Variants in DPP6 observed in about 807,000 individuals in gnomAD.
DPP6 encodes the protein dipeptidyl peptidase like 6, also known as A-type potassium channel modulatory protein DPP6.
A neutral mutation model predicts 122.6 loss-of-function variants in DPP6; 69 were observed. That is an observed-to-expected ratio of 0.56 (90% CI 0.46 to 0.69). DPP6 has a LOEUF of 0.69. DPP6 is among the 30% of genes least tolerant of loss of function. DPP6 has a pLI of 0.00. For synonymous variants in DPP6, 418 were observed against 433.1 expected (o/e 0.97, Z 0.43); for missense variants, 928 against 1,116.9 (o/e 0.83, Z 2.41).
At chr7:153,831,175 T>C in the DPP6 span, among the ~76,000 whole-genome samples, 1 of 152,242 alleles carries the variant, frequency 6.6e-6, no homozygotes, top group Non-Finnish European at 1.5e-5. Flanking sequence ...GTAATAGATG[T>C]CTACAGAGGA....
intron 1 of DPP6, among the ~76,000 whole-genome samples, chr7:153,927,293 A>G (rs1231336233): frequency 6.6e-6 from 1 of 152,238 alleles, no homozygotes; most frequent in African/African-American, 2.4e-5. Flanking sequence ...AGCCTGGGCG[A>G]CAGAGCAAGA....
the DPP6 span, among the ~76,000 whole-genome samples, chr7:153,804,885 GA>G: frequency 0.095 from 13,952 of 147,196 alleles, 835 homozygotes; most frequent in African/African-American, 0.18. Context: ...CTTCATCTCA[GA>G]AAAAAAAAAA....
chr7:154,479,586 A>C (rs1483264088), intron 3 of DPP6, among the ~76,000 whole-genome samples: 1 of 146,704 alleles, frequency 6.8e-6, no homozygotes, highest in East Asian at 2.0e-4. Flanking sequence ...AAAAGAAAAG[A>C]AAAAGAAAAG....
the DPP6 span, among the ~76,000 whole-genome samples, chr7:153,749,788 G>A: frequency 6.6e-6 from 1 of 152,114 alleles, no homozygotes. This position sits in a 1 kb window ranked among gnomAD's most constrained non-coding sequence, Gnocchi z 4.1. Flanking sequence ...CCTTACCCGG[G>A]TTACATAGGG....
At chr7:154,350,235 G>A (rs1810735471) in intron 1 of DPP6, among the ~76,000 whole-genome samples, 1 of 152,150 alleles carries the variant, frequency 6.6e-6, no homozygotes, top group Admixed American at 6.5e-5. Flanking sequence ...GAAGGAAGCA[G>A]GAACAGGGGA....
chr7:154,026,598 G>A (rs77715136), intron 1 of DPP6: 2 of 152,096 alleles, frequency 1.3e-5, no homozygotes, highest in Non-Finnish European at 2.9e-5. Flanking sequence ...TCCTTTTCTG[G>A]TGAGGCAGCA....
rs117569013 is a variant in DPP6 at position 154,517,510 on chromosome 7, G to A, written c.458-23022G>A. Among the ~76,000 whole-genome samples the A allele has an allele frequency of 5.4e-3, 819 of 152,208 alleles. 4 individuals carry two copies. The highest frequency in any genetic ancestry group is 8.3e-3 in the Non-Finnish European group (564 of 68,004). ...CATGGTTCATAAAGTCAGATACTTT[G>A]GCATTAGTGAGGTAGGCCTGTGTAT... On this transcript the variant is annotated intron_variant, in intron 3 of 25. Transcript: ENST00000377770.
intron 8 of DPP6, among the ~76,000 whole-genome samples, chr7:154,753,009 G>A (rs1304234773): frequency 6.6e-6 from 1 of 152,116 alleles, no homozygotes; most frequent in Non-Finnish European, 1.5e-5. Context: ...GTTTCTTGGG[G>A]GACATAGCTC....
At chr7:153,963,826 C>A (rs1795485587) in intron 1 of DPP6, among the ~76,000 whole-genome samples, 1 of 152,096 alleles carries the variant, frequency 6.6e-6, no homozygotes, top group Admixed American at 6.5e-5. Flanking sequence ...AAAACCAGCC[C>A]CTGGTGCCAG....
At chr7:154,572,510 C>CTTTTTTTTTTTTTTTTTTTTTT (rs77816407) in intron 5 of DPP6, among the ~76,000 whole-genome samples, 5 of 86,140 alleles carry the variant, frequency 5.8e-5, no homozygotes, top group Non-Finnish European at 9.0e-5. Context: ...TTTTTCTTTT[C>CTTTTTTTTTTTTTTTTTTTTTT]TTTTTTTTTT....
chr7:154,116,794 G>A (rs536550638), intron 1 of DPP6, among the ~76,000 whole-genome samples: 151 of 152,294 alleles, frequency 9.9e-4, no homozygotes, highest in African/African-American at 3.4e-3. Context: ...ATCAGAAGGT[G>A]AATTTAGAGA....
At chr7:154,579,250 G>A (rs1444246750) in intron 5 of DPP6, among the ~76,000 whole-genome samples, 10 of 152,156 alleles carry the variant, frequency 6.6e-5, no homozygotes, top group African/African-American at 2.2e-4. Context: ...TCAGGAGACC[G>A]AGACAGGAGA....
At chr7:154,276,315 A>G (rs1277020856) in intron 1 of DPP6, among the ~76,000 whole-genome samples, 1 of 152,212 alleles carries the variant, frequency 6.6e-6, no homozygotes, top group Non-Finnish European at 1.5e-5. Flanking sequence ...ATTCTGTGCT[A>G]CTTGATGTTA....
intron 1 of DPP6, among the ~76,000 whole-genome samples, chr7:154,104,138 T>A (rs1278030874): frequency 6.6e-6 from 1 of 152,270 alleles, no homozygotes; most frequent in African/African-American, 2.4e-5. Context: ...CCACGTTCAC[T>A]TCTACGTGGC....
At chr7:153,957,936 G>C (rs555249244) in intron 1 of DPP6, among the ~76,000 whole-genome samples, 2 of 152,136 alleles carry the variant, frequency 1.3e-5, no homozygotes, top group Non-Finnish European at 2.9e-5. Context: ...GGCCAAGGTG[G>C]GTGGATCACC....
chr7:154,137,362 A>C (rs1026145684), intron 1 of DPP6, among the ~76,000 whole-genome samples: 196 of 151,982 alleles, frequency 1.3e-3, no homozygotes, highest in Non-Finnish European at 1.9e-3. Flanking sequence ...TTTACAATAC[A>C]GTTAGACCAT....
At chr7:153,833,196 C>T in the DPP6 span, among the ~76,000 whole-genome samples, 208 of 152,300 alleles carry the variant, frequency 1.4e-3, no homozygotes, top group African/African-American at 4.8e-3. Context: ...ACTGCATGCA[C>T]GCTGCAAAGG....
intron 4 of DPP6, among the ~76,000 whole-genome samples, chr7:154,547,342 G>GT: frequency 6.6e-6 from 1 of 152,334 alleles, no homozygotes; most frequent in South Asian, 2.1e-4. Flanking sequence ...CCACTGAAAT[G>GT]TTTTGTTTGG....
At chr7:154,266,777 G>T (rs928133962) in intron 1 of DPP6, among the ~76,000 whole-genome samples, 3 of 152,110 alleles carry the variant, frequency 2.0e-5, no homozygotes, top group Non-Finnish European at 4.4e-5. Context: ...GACCCTGGGG[G>T]TACCCAGCAC....
Sources: gnomAD v4.1 joint callset for allele counts (sites outside exome capture counted in the v4.1 genomes callset) on GRCh38, gnomAD v4.1.1 for gene constraint, Gnocchi (gnomAD v3.1) non-coding constraint, MANE v1.5 for transcripts, NCBI Gene and HGNC (gene_info 2026-07-23, HGNC 2026-07-21) for gene names.